Variants in KCNJ11 observed in about 807,000 individuals in gnomAD.
KCNJ11 encodes the protein potassium inwardly rectifying channel subfamily J member 11, also known as ATP-sensitive inward rectifier potassium channel 11.
Under a neutral mutation model 17.3 loss-of-function variants are expected in KCNJ11, and 12 were observed. The ratio of observed to expected loss-of-function variants is 0.69; its 90% CI spans 0.44 to 1.12. KCNJ11 has a LOEUF of 1.12. Ranked by LOEUF, KCNJ11 falls within the 50% of genes most tolerant of loss-of-function variation. The pLI is 0.00. For missense variants in KCNJ11, 386 were observed against 554.1 expected, an observed-to-expected ratio of 0.70 and a Z score of 3.05; for synonymous variants, 211 against 223.4, an observed-to-expected ratio of 0.94 and a Z score of 0.50.
In KCNJ11 at chr11:17,387,471, C is replaced by T. The variant is rs772121211; in HGVS notation, c.621G>A (p.Lys207=). The T allele has an allele frequency of 6.8e-6, 11 of 1,612,670 alleles. No individual in the cohort carries two copies. Among genetic ancestry groups the T allele is most frequent in the East Asian group, 2.2e-5 (1 of 44,870 alleles). ...GGATGGTGGCGCTGATGATCATGCT[C>T]TTGCGGAGGTCACCCACACGTAGCA... ...CFMLRVGDLR[K]SMIISATIHM... Residue 207 remains lysine (K), a synonymous_variant, in exon 1 of 1, where the codon AAG becomes AAA. Coordinates refer to ENST00000339994, the MANE Select transcript of KCNJ11 (RefSeq NM_000525.4).
rs1208842043 is a variant in KCNJ11, at chr11:17,387,766, G to A, written c.326C>T (p.Pro109Leu). 1 of 1,613,940 alleles carries A rather than the reference G, an allele frequency of 6.2e-7. No homozygotes were observed. Among genetic ancestry groups the A allele is most frequent in the African/African-American group, 1.3e-5 (1 of 74,912 alleles). ...GAAGGAGTGGATGCTGGTGACACAG[G>A]GCTCAGCAGTGCCCTCGCTGGGGGC... is the stretch of plus-strand genomic sequence containing the variant. ...DLAPSEGTAE[P>L]CVTSIHSFSS... The change falls in exon 1 of 1, where the codon CCC (proline) becomes CTC (leucine). Residue 109 changes from proline to leucine, a missense_variant. Physicochemically the swap from Pro to Leu is moderately conservative, Grantham distance 98. Coordinates refer to ENST00000339994, the MANE Select transcript of KCNJ11 (RefSeq NM_000525.4).
Position 17,385,624 on chromosome 11 carries a change from G to A in KCNJ11, c.*1295C>T, listed in dbSNP as rs1953544833. On this transcript the variant is annotated 3_prime_UTR_variant, in exon 1 of 1. Transcript: ENST00000339994. ...GACAGAGCCCAGGGCTGCAAAGCCT[G>A]GTGAGTGCCCAAAGGCTGAGTTGGC... Among the ~76,000 whole-genome samples the A allele has an allele frequency of 6.6e-6, 1 of 152,238 alleles. No homozygotes were observed. Among genetic ancestry groups the A allele is most frequent in the African/African-American group, 2.4e-5 (1 of 41,468 alleles).
chr11:17,387,370 T>C lies in KCNJ11; in HGVS notation c.722A>G (p.Glu241Gly). The change falls in exon 1 of 1, where the codon GAG (glutamate) becomes GGG (glycine). Residue 241 changes from glutamate to glycine, a missense_variant. Glu to Gly is a moderately conservative substitution (Grantham distance 98). Coordinates refer to ENST00000339994, the MANE Select transcript of KCNJ11 (RefSeq NM_000525.4). ...GATGCTGTTGCCACCCACGCCGTTC[T>C]CCATGGGGATGTCCACCTGGTGGAG... ...VPLHQVDIPM[E>G]NGVGGNSIFL... The C allele has an allele frequency of 6.2e-7, 1 of 1,614,096 alleles. No homozygotes were observed. Among genetic ancestry groups the C allele is most frequent in the South Asian group, 1.1e-5 (1 of 91,090 alleles).
At position 17,387,022 on chromosome 11, in the gene KCNJ11, T is replaced by G; in HGVS notation, c.1070A>C (p.Glu357Ala). The change falls in exon 1 of 1, where the codon GAA becomes GCA. Residue 357 changes from glutamate (E) to alanine (A), a missense_variant. Glu to Ala is a moderately radical substitution (Grantham distance 107). Transcript: ENST00000339994. ...GCGGGCTGAGGCGAGGGTCAGAGCT[T>G]CCAGTAGGCTGTGGTCCTCATCAAG... is the stretch of plus-strand genomic sequence containing the variant. ...RQLDEDHSLL[E>A]ALTLASARGP... The G allele has an allele frequency of 6.2e-7, 1 of 1,614,148 alleles. No individual in the cohort carries two copies. Among genetic ancestry groups the G allele is most frequent in the Non-Finnish European group, 8.5e-7 (1 of 1,179,990 alleles).
At position 17,388,093 on chromosome 11, in the gene KCNJ11, G is replaced by A; in HGVS notation, c.-2C>T. On this transcript the variant is annotated 5_prime_UTR_variant, in exon 1 of 1. Transcript: ENST00000339994. Reference sequence around the variant, plus strand: ...GATGATGCCCTTGCGGGACAGCATGGCTCCGGTGACCCCCAGGGAGGGGCT... The same window carrying A: ...GATGATGCCCTTGCGGGACAGCATGACTCCGGTGACCCCCAGGGAGGGGCT... 10 of 1,608,622 alleles carry A rather than the reference G, an allele frequency of 6.2e-6. No homozygotes were observed. Among genetic ancestry groups the A allele is most frequent in the Non-Finnish European group, 8.5e-6 (10 of 1,178,790 alleles).
rs1953560231 is a variant in KCNJ11 at position 17,386,615 on chromosome 11, C to T, written c.*304G>A. 1 of 352,480 alleles carries T rather than the reference C, an allele frequency of 2.8e-6. No homozygotes were observed. The highest frequency in any genetic ancestry group is 5.2e-6 in the Non-Finnish European group (1 of 192,520). 21.8% of individuals were successfully genotyped at this position (352,480 alleles called of 1,614,324 possible). On this transcript the variant is annotated 3_prime_UTR_variant, in exon 1 of 1. Coordinates refer to ENST00000339994, the MANE Select transcript of KCNJ11 (RefSeq NM_000525.4). ...GAGTGTGGCTGGTCAATCGTGGGGA[C>T]CCAGGACTGGCTGGACGCACAGCTC... is the stretch of plus-strand genomic sequence containing the variant.
At position 17,388,571 on chromosome 11, in the gene KCNJ11, C is replaced by T. The variant is rs1209286861; in HGVS notation, c.-480G>A. On this transcript the variant is annotated 5_prime_UTR_variant, in exon 1 of 1. Coordinates refer to ENST00000339994, the MANE Select transcript of KCNJ11 (RefSeq NM_000525.4). ...CTCCAGCCTGGGCGACAGAGCGAGA[C>T]TCCGTCTCAAAAACAAAAAACAAAA... 1.9e-5 allele frequency: 6 copies of T among 320,794 alleles called. No homozygotes were observed. The highest frequency in any genetic ancestry group is 1.1e-4 in the African/African-American group (5 of 44,198). 19.9% of individuals were successfully genotyped at this position (320,794 alleles called of 1,614,324 possible). A position where few individuals can be genotyped will look rare whatever the true frequency, so the allele number is the denominator to read the frequency against.
chr11:17,387,518 G>A lies in KCNJ11; in HGVS notation c.574C>T (p.Arg192Cys), dbSNP rs780511484. ...AGCATGAAGCAGAGGCGGCCGTGGCGCAGGGCGATCACCGCATGCTTGCTG... is the reference window on the plus strand; with the variant it reads ...AGCATGAAGCAGAGGCGGCCGTGGCACAGGGCGATCACCGCATGCTTGCTG... ...IFSKHAVIALRHGRLCFMLRV... is the reference protein window; with the variant it reads ...IFSKHAVIALCHGRLCFMLRV... The change falls in exon 1 of 1, where the codon CGC becomes TGC. Residue 192 changes from arginine to cysteine, a missense_variant. Coordinates refer to ENST00000339994, the MANE Select transcript of KCNJ11 (RefSeq NM_000525.4). 4 of 1,611,936 alleles carry A rather than the reference G, an allele frequency of 2.5e-6. No homozygotes were observed. Among genetic ancestry groups the A allele is most frequent in the African/African-American group, 1.3e-5 (1 of 75,032 alleles).
rs1056015458 is a variant in KCNJ11 at position 17,388,304 on chromosome 11, G to A, written c.-213C>T. 6 of 595,862 alleles carry A rather than the reference G, an allele frequency of 1.0e-5. No individual in the cohort carries two copies. The highest frequency in any genetic ancestry group is 5.6e-5 in the East Asian group (2 of 35,566). 36.9% of individuals were successfully genotyped at this position (595,862 alleles called of 1,614,324 possible). A position where few individuals can be genotyped will look rare whatever the true frequency, so the allele number is the denominator to read the frequency against. ...CACTTCTTAATACCAGCCTCAGGCC[G>A]GGCGCGGTGGCTCACGCCTGTAATC... On this transcript the variant is annotated 5_prime_UTR_variant, in exon 1 of 1. Transcript: ENST00000339994.
Position 17,387,488 on chromosome 11 carries a change from C to A in KCNJ11, c.604G>T (p.Val202Leu). ...ATCATGCTCTTGCGGAGGTCACCCA[C>A]ACGTAGCATGAAGCAGAGGCGGCCG... is the stretch of plus-strand genomic sequence containing the variant. Reference protein sequence around the residue: ...RHGRLCFMLRVGDLRKSMIIS... With the variant: ...RHGRLCFMLRLGDLRKSMIIS... Residue 202 changes from valine to leucine, a missense_variant, in exon 1 of 1, where the codon GTG becomes TTG. Transcript: ENST00000339994. 1 of 1,612,284 alleles carries A rather than the reference C, an allele frequency of 6.2e-7. No individual in the cohort carries two copies. Among genetic ancestry groups the A allele is most frequent in the Non-Finnish European group, 8.5e-7 (1 of 1,179,930 alleles).
rs1426834688 is a variant in KCNJ11, at chr11:17,387,577, G to T, written c.515C>A (p.Ala172Asp). ...GGTCTCAGCCCTGCGGTGGGCTTGGGCAGTCTTCATGAAGATGCAGCCAAG... is the reference window on the plus strand; with the variant it reads ...GGTCTCAGCCCTGCGGTGGGCTTGGTCAGTCTTCATGAAGATGCAGCCAAG... ...IMLGCIFMKT[A>D]QAHRRAETLI... The change falls in exon 1 of 1, where the codon GCC (alanine) becomes GAC (aspartate). Residue 172 changes from alanine (A) to aspartate (D), a missense_variant. By Grantham distance (126) the Ala-to-Asp change is moderately radical (BLOSUM62 -2). Coordinates refer to ENST00000339994, the MANE Select transcript of KCNJ11 (RefSeq NM_000525.4). 1.2e-6 allele frequency: 2 copies of T among 1,613,232 alleles called. No homozygotes were observed. The highest frequency in any genetic ancestry group is 1.7e-5 in the Admixed American group (1 of 59,980).
In KCNJ11 at chr11:17,388,059, T is replaced by C. The variant is rs2133381079; in HGVS notation, c.33A>G (p.Glu11=). 1.2e-6 allele frequency: 2 copies of C among 1,612,420 alleles called. No homozygotes were observed. The highest frequency in any genetic ancestry group is 1.7e-6 in the Non-Finnish European group (2 of 1,179,964). Residue 11 remains glutamate (E), a synonymous_variant, in exon 1 of 1, where the codon GAA becomes GAG. Transcript: ENST00000339994. ...CCTCTGCCAGGCGTGTCAGCACGTA[T>C]TCCTCGGGGATGATGCCCTTGCGGG... MLSRKGIIPE[E]YVLTRLAEDP... is the part of the protein sequence containing the mutation.
chr11:17,388,961 C>T (rs1190243396), upstream of KCNJ11: 4 of 424,908 alleles, frequency 9.4e-6, no homozygotes. Flanking sequence ...CGCCGCTTTC[C>T]GGATCCCCCT....
At chr11:17,388,744 C>T (rs1214687853), upstream of KCNJ11, 6 of 438,030 alleles carry the variant, frequency 1.4e-5, no homozygotes, top group Non-Finnish European at 2.8e-5. Flanking sequence ...CCCTTCTCCC[C>T]GCCCAGCCTG....
Position 17,388,608 on chromosome 11 carries a change from G to C in KCNJ11, c.-517C>G. The C allele has an allele frequency of 3.1e-6, 1 of 319,862 alleles. No homozygotes were observed. Among genetic ancestry groups the C allele is most frequent in the East Asian group, 1.0e-4 (1 of 9,786 alleles). 19.8% of individuals were successfully genotyped at this position (319,862 alleles called of 1,614,324 possible). ...AACAAAAAACAAAACAAAAAAAACA[G>C]CCTCACCCTTGAGCCCACCTGCCTG... On this transcript the variant is annotated 5_prime_UTR_variant, in exon 1 of 1. Transcript: ENST00000339994.
Position 17,387,644 on chromosome 11 carries a change from T to C in KCNJ11, c.448A>G (p.Ile150Val). The C allele has an allele frequency of 2.5e-6, 4 of 1,614,008 alleles. No individual in the cohort carries two copies. Among genetic ancestry groups the C allele is most frequent in the Non-Finnish European group, 2.5e-6 (3 of 1,180,014 alleles). ...EECPLAILILIVQNIVGLMIN... is the reference protein window; with the variant it reads ...EECPLAILILVVQNIVGLMIN... ...ATGAGCCCCACGATGTTCTGCACGA[T>C]GAGGATCAGGATGGCCAGTGGGCAC... The change falls in exon 1 of 1, where the codon ATC (isoleucine) becomes GTC (valine). Residue 150 changes from isoleucine to valine, a missense_variant. Physicochemically the swap from Ile to Val is conservative, Grantham distance 29. Transcript: ENST00000339994.
At chr11:17,389,118 C>A (rs973749545), upstream of KCNJ11, 6 of 150,348 alleles carry the variant, frequency 4.0e-5, no homozygotes, top group African/African-American at 1.5e-4. Context: ...CGCCCGCCCG[C>A]GCCGCGGCTC....
Position 17,386,745 on chromosome 11 carries a change from A to G in KCNJ11, c.*174T>C. ...AGCAGGGACAAAAATAACCCAGTAC[A>G]GGTTCCTGCTGAGGCCAGAAATAGC... is the stretch of plus-strand genomic sequence containing the variant. On this transcript the variant is annotated 3_prime_UTR_variant, in exon 1 of 1. Coordinates refer to ENST00000339994, the MANE Select transcript of KCNJ11 (RefSeq NM_000525.4). The G allele has an allele frequency of 1.6e-6, 1 of 620,702 alleles. No homozygotes were observed. Among genetic ancestry groups the G allele is most frequent in the Non-Finnish European group, 2.8e-6 (1 of 355,618 alleles). 38.4% of individuals were successfully genotyped at this position (620,702 alleles called of 1,614,324 possible).
chr11:17,387,218 C>T lies in KCNJ11; in HGVS notation c.874G>A (p.Glu292Lys), dbSNP rs1174593640. The T allele has an allele frequency of 1.2e-6, 2 of 1,614,104 alleles. No homozygotes were observed. Among genetic ancestry groups the T allele is most frequent in the Non-Finnish European group, 1.7e-6 (2 of 1,180,046 alleles). The change falls in exon 1 of 1, where the codon GAA (glutamate) becomes AAA (lysine). Residue 292 changes from glutamate to lysine, a missense_variant. By Grantham distance (56) the Glu-to-Lys change is moderately conservative (BLOSUM62 1). Transcript: ENST00000339994. Reference protein sequence around the residue: ...EIIVILEGVVETTGITTQART... With the variant: ...EIIVILEGVVKTTGITTQART... ...GCCTGGGTGGTGATGCCCGTGGTTT[C>T]CACCACGCCTTCCAGGATGACGATG...
Sources: allele counts gnomAD v4.1 joint callset (sites outside exome capture counted in the v4.1 genomes callset), GRCh38; gene constraint gnomAD v4.1.1; transcripts MANE v1.5; gene names NCBI Gene and HGNC (gene_info 2026-07-23, HGNC 2026-07-21).